Variants in OR4D1 observed in about 807,000 individuals in gnomAD.
OR4D1 encodes olfactory receptor family 4 subfamily D member 1.
Under a neutral mutation model 14.2 loss-of-function variants are expected in OR4D1, and 10 were observed. The ratio of observed to expected loss-of-function variants is 0.71; its 90% CI spans 0.44 to 1.20. The LOEUF (loss-of-function observed/expected upper bound fraction) is 1.20. Ranked by LOEUF, OR4D1 falls within the 50% of genes most tolerant of loss-of-function variation. OR4D1 has a pLI of 0.00. For synonymous variants in OR4D1, 141 were observed against 147.4 expected (o/e 0.96, Z 0.32); for missense variants, 345 against 376.6 (o/e 0.92, Z 0.70).
chr17:58,159,499 C>A lies in OR4D1; in HGVS notation c.*3413C>A. 1 of 119,904 alleles carries A rather than the reference C, an allele frequency of 8.3e-6. No individual in the cohort carries two copies. The highest frequency in any genetic ancestry group is 2.3e-4 in the South Asian group (1 of 4,348). 7.4% of individuals were successfully genotyped at this position (119,904 alleles called of 1,614,324 possible). ...CATCTTGGAAGCAGAGAATAGCCCT[C>A]ACCAGACAACCAAACCTGTTGGAAC... is the stretch of plus-strand genomic sequence containing the variant. On this transcript the variant is annotated 3_prime_UTR_variant, in exon 4 of 4. Coordinates refer to ENST00000268912, the MANE Select transcript of OR4D1 (RefSeq NM_001386095.1).
At position 58,156,074 on chromosome 17, in the gene OR4D1, T is replaced by A. The variant is rs1332712612; in HGVS notation, c.921T>A (p.Ile307=). The A allele has an allele frequency of 1.1e-5, 17 of 1,597,628 alleles. No homozygotes were observed. Among genetic ancestry groups the A allele is most frequent in the Non-Finnish European group, 1.5e-5 (17 of 1,172,386 alleles). Residue 307 remains isoleucine (I), a synonymous_variant, in exon 4 of 4, where the codon ATT becomes ATA. Coordinates refer to ENST00000268912, the MANE Select transcript of OR4D1 (RefSeq NM_001386095.1). ...AMRRLGKCLV[I]CRE ...GGAGATTAGGCAAGTGCCTAGTAAT[T>A]TGCAGGGAGTAAACTTTAAGTAAGT...
Position 58,157,525 on chromosome 17 carries a change from C to G in OR4D1, c.*1439C>G, listed in dbSNP as rs894353429. ...TCTCCATTGCAGAGGGTGCGGACTT[C>G]TCCAGCTCTCCGAACCTCACGGAGA... On this transcript the variant is annotated 3_prime_UTR_variant, in exon 4 of 4. Coordinates refer to ENST00000268912, the MANE Select transcript of OR4D1 (RefSeq NM_001386095.1). 8 of 1,371,710 alleles carry G rather than the reference C, an allele frequency of 5.8e-6. No homozygotes were observed. In the African/African-American group the frequency reaches 9.9e-5, roughly 17 times the overall value. The allele number at this position is 1,371,710 out of a possible 1,614,324, so 85.0% of individuals were successfully genotyped here. A position where few individuals can be genotyped will look rare whatever the true frequency, so the allele number is the denominator to read the frequency against.
At position 58,155,269 on chromosome 17, in the gene OR4D1, T is replaced by A. The variant is rs775193532; in HGVS notation, c.116T>A (p.Ile39Asn). Reference sequence around the variant, plus strand: ...TTCCTGTTAGTCTATGTTACCACCATTGTGGGAAACCTCCTTATCATGGTC... The same window carrying A: ...TTCCTGTTAGTCTATGTTACCACCAATGTGGGAAACCTCCTTATCATGGTC... ...LLFLLVYVTT[I>N]VGNLLIMVTV... The change falls in exon 4 of 4, where the codon ATT (isoleucine) becomes AAT (asparagine). Residue 39 changes from isoleucine to asparagine, a missense_variant. Ile to Asn is a moderately radical substitution (Grantham distance 149). Transcript: ENST00000268912. The A allele has an allele frequency of 6.2e-7, 1 of 1,614,194 alleles. No individual in the cohort carries two copies. The highest frequency in any genetic ancestry group is 2.2e-5 in the East Asian group (1 of 44,890).
At position 58,155,233 on chromosome 17, in the gene OR4D1, T is replaced by G. The variant is rs1400732247; in HGVS notation, c.80T>G (p.Leu27Arg). ...CAGACCCAAGAGCTCCAGAAATTCC[T>G]GTTCCTTCTGTTCCTGTTAGTCTAT... Reference protein sequence around the residue: ...FSQTQELQKFLFLLFLLVYVT... With the variant: ...FSQTQELQKFRFLLFLLVYVT... The change falls in exon 4 of 4, where the codon CTG becomes CGG. Residue 27 changes from leucine (L) to arginine (R), a missense_variant. Physicochemically the swap from Leu to Arg is moderately radical, Grantham distance 102. Coordinates refer to ENST00000268912, the MANE Select transcript of OR4D1 (RefSeq NM_001386095.1). The G allele has an allele frequency of 6.2e-7, 1 of 1,614,086 alleles. No homozygotes were observed. The highest frequency in any genetic ancestry group is 1.3e-5 in the African/African-American group (1 of 74,938).
chr17:58,156,929 C>T lies in OR4D1; in HGVS notation c.*843C>T. ...TGTGGAATTTAGAAAGTTATCTCGC[C>T]CTCCCTCCTCCCCCACAAAAAAAGT... On this transcript the variant is annotated 3_prime_UTR_variant, in exon 4 of 4. Transcript: ENST00000268912. 3.2e-6 allele frequency: 2 copies of T among 630,352 alleles called. No individual in the cohort carries two copies. Among genetic ancestry groups the T allele is most frequent in the South Asian group, 1.7e-5 (1 of 59,222 alleles). 39.0% of individuals were successfully genotyped at this position (630,352 alleles called of 1,614,324 possible).
At position 58,155,363 on chromosome 17, in the gene OR4D1, C is replaced by T; in HGVS notation, c.210C>T (p.Asp70=). The T allele has an allele frequency of 6.2e-7, 1 of 1,614,140 alleles. No homozygotes were observed. ...YFLLRNLALI[D]LCYSTVTSPK... Reference sequence around the variant, plus strand: ...TGCTCCGAAATCTAGCTCTCATAGACCTCTGCTATTCCACAGTCACCTCTC... The same window carrying T: ...TGCTCCGAAATCTAGCTCTCATAGATCTCTGCTATTCCACAGTCACCTCTC... The change falls in exon 4 of 4, where the codon GAC becomes GAT. Residue 70 remains aspartate (D), a synonymous_variant. Coordinates refer to ENST00000268912, the MANE Select transcript of OR4D1 (RefSeq NM_001386095.1).
At position 58,155,410 on chromosome 17, in the gene OR4D1, T is replaced by C; in HGVS notation, c.257T>C (p.Leu86Pro). The C allele has an allele frequency of 3.7e-6, 6 of 1,614,190 alleles. No homozygotes were observed. The highest frequency in any genetic ancestry group is 5.1e-6 in the Non-Finnish European group (6 of 1,180,034). The change falls in exon 4 of 4, where the codon CTC becomes CCC. Residue 86 changes from leucine to proline, a missense_variant. Coordinates refer to ENST00000268912, the MANE Select transcript of OR4D1 (RefSeq NM_001386095.1). ...VTSPKMLVDF[L>P]HETKTISYQG... ...TCTCCAAAGATGCTGGTGGACTTCC[T>C]CCATGAGACCAAGACGATCTCCTAC...
chr17:58,149,096 G>A (rs1319894342), intron 1 of OR4D1, among the ~76,000 whole-genome samples: 1 of 152,154 alleles, frequency 6.6e-6, no homozygotes, highest in African/African-American at 2.4e-5. Context: ...AGTCCTGTGT[G>A]GGCTGATTTT....
At position 58,157,708 on chromosome 17, in the gene OR4D1, C is replaced by T. The variant is rs934256133; in HGVS notation, c.*1622C>T. On this transcript the variant is annotated 3_prime_UTR_variant, in exon 4 of 4. Transcript: ENST00000268912. Reference sequence around the variant, plus strand: ...CGCCCCTGCAGGCAGCGTCCATATACGCAGCATCCTACCCGTTCCATAGAC... The same window carrying T: ...CGCCCCTGCAGGCAGCGTCCATATATGCAGCATCCTACCCGTTCCATAGAC... The T allele has an allele frequency of 6.2e-6, 10 of 1,613,636 alleles. No homozygotes were observed. The highest frequency in any genetic ancestry group is 1.3e-5 in the African/African-American group (1 of 74,924).
chr17:58,155,960 G>A lies in OR4D1; in HGVS notation c.807G>A (p.Lys269=). 6.2e-7 allele frequency: 1 copy of A among 1,613,564 alleles called. No homozygotes were observed. Among genetic ancestry groups the A allele is most frequent in the South Asian group, 1.1e-5 (1 of 91,068 alleles). The change falls in exon 4 of 4, where the codon AAG becomes AAA. Residue 269 remains lysine (K), a synonymous_variant. Coordinates refer to ENST00000268912, the MANE Select transcript of OR4D1 (RefSeq NM_001386095.1). The part of the protein sequence containing the change: ...TWPFTPFLMD[K]AVSISYTVMT... The stretch of plus-strand genomic sequence containing the variant: ...CCTTCACCCCATTCCTCATGGACAA[G>A]GCTGTGTCCATCAGCTACACAGTCA...
At position 58,157,829 on chromosome 17, in the gene OR4D1, T is replaced by G; in HGVS notation, c.*1743T>G. 1.3e-6 allele frequency: 2 copies of G among 1,588,478 alleles called. No individual in the cohort carries two copies. The highest frequency in any genetic ancestry group is 1.7e-6 in the Non-Finnish European group (2 of 1,167,106). On this transcript the variant is annotated 3_prime_UTR_variant, in exon 4 of 4. Transcript: ENST00000268912. ...AGGAAGACCAGATCAATAGACTCCA[T>G]GATGGATGTTTGTTTCAAAGGGTTT...
In OR4D1 at chr17:58,155,544, C is replaced by T. The variant is rs1285303569; in HGVS notation, c.391C>T (p.Arg131Trp). ...DRYIAISQPL[R>W]YVTIMNTQLC... ...CTACATAGCCATCTCCCAGCCCCTC[C>T]GGTATGTCACCATCATGAACACTCA... is the stretch of plus-strand genomic sequence containing the variant. Residue 131 changes from arginine (R) to tryptophan (W), a missense_variant, in exon 4 of 4, where the codon CGG becomes TGG. Physicochemically the swap from Arg to Trp is moderately radical, Grantham distance 101. Coordinates refer to ENST00000268912, the MANE Select transcript of OR4D1 (RefSeq NM_001386095.1). 11 of 1,614,064 alleles carry T rather than the reference C, an allele frequency of 6.8e-6. No homozygotes were observed. The highest frequency in any genetic ancestry group is 3.3e-5 in the Admixed American group (2 of 60,008).
At position 58,155,620 on chromosome 17, in the gene OR4D1, C is replaced by T. The variant is rs1180788220; in HGVS notation, c.467C>T (p.Ser156Phe). The T allele has an allele frequency of 4.3e-6, 7 of 1,614,044 alleles. No individual in the cohort carries two copies. Among genetic ancestry groups the T allele is most frequent in the Non-Finnish European group, 5.9e-6 (7 of 1,180,030 alleles). Residue 156 changes from serine (S) to phenylalanine (F), a missense_variant, in exon 4 of 4, where the codon TCC becomes TTC. Coordinates refer to ENST00000268912, the MANE Select transcript of OR4D1 (RefSeq NM_001386095.1). ...VAAWVGGFVHSIVQLALILPL... is the reference protein window; with the variant it reads ...VAAWVGGFVHFIVQLALILPL... ...GCCTGGGTGGGGGGCTTTGTCCACT[C>T]CATTGTCCAACTGGCTCTGATACTT...
intron 3 of OR4D1, among the ~76,000 whole-genome samples, chr17:58,154,861 G>T (rs1967743776): frequency 6.6e-6 from 1 of 152,184 alleles, no homozygotes; most frequent in South Asian, 2.1e-4. Context: ...GTATGAAAAA[G>T]AATCAGACAT....
At position 58,156,008 on chromosome 17, in the gene OR4D1, G is replaced by C. The variant is rs747888867; in HGVS notation, c.855G>C (p.Met285Ile). ...YTVMTPMLNP[M>I]IYTLRNQDMK... ...TCATGACCCCCATGCTCAACCCCATGATCTACACCCTGAGAAACCAGGACA... is the reference window on the plus strand; with the variant it reads ...TCATGACCCCCATGCTCAACCCCATCATCTACACCCTGAGAAACCAGGACA... Residue 285 changes from methionine to isoleucine, a missense_variant, in exon 4 of 4, where the codon ATG becomes ATC. Transcript: ENST00000268912. 30 of 1,613,968 alleles carry C rather than the reference G, an allele frequency of 1.9e-5. No individual in the cohort carries two copies. Among genetic ancestry groups the C allele is most frequent in the African/African-American group, 2.7e-5 (2 of 74,896 alleles).
At position 58,157,483 on chromosome 17, in the gene OR4D1, G is replaced by T; in HGVS notation, c.*1397G>T. On this transcript the variant is annotated 3_prime_UTR_variant, in exon 4 of 4. Transcript: ENST00000268912. ...AGCTCCTCGCTCTGGAGGGCAAGTT[G>T]CTCCAGAAACAGTACCTCTCCATTG... 1 of 1,140,206 alleles carries T rather than the reference G, an allele frequency of 8.8e-7. No individual in the cohort carries two copies. The highest frequency in any genetic ancestry group is 1.3e-6 in the Non-Finnish European group (1 of 752,446). 70.6% of individuals were successfully genotyped at this position (1,140,206 alleles called of 1,614,324 possible).
chr17:58,157,613 C>T lies in OR4D1; in HGVS notation c.*1527C>T. On this transcript the variant is annotated 3_prime_UTR_variant, in exon 4 of 4. Coordinates refer to ENST00000268912, the MANE Select transcript of OR4D1 (RefSeq NM_001386095.1). ...GACGAAAAGACTGCAGGAGTCAGAA[C>T]TGGAAAAGCTGAAAATGGCTGCAAA... 1.2e-6 allele frequency: 2 copies of T among 1,613,766 alleles called. No individual in the cohort carries two copies. The highest frequency in any genetic ancestry group is 8.5e-7 in the Non-Finnish European group (1 of 1,179,776).
chr17:58,157,433 C>A lies in OR4D1; in HGVS notation c.*1347C>A. 1.8e-6 allele frequency: 2 copies of A among 1,114,058 alleles called. No individual in the cohort carries two copies. Among genetic ancestry groups the A allele is most frequent in the South Asian group, 1.3e-5 (1 of 75,842 alleles). The allele number at this position is 1,114,058 out of a possible 1,614,324, so 69.0% of individuals were successfully genotyped here. A position where few individuals can be genotyped will look rare whatever the true frequency, so the allele number is the denominator to read the frequency against. Reference sequence around the variant, plus strand: ...GAGAAAACACAAGACCAATCCGAAGCCGCGCACAGCCTTTACCACGTCCCA... The same window carrying A: ...GAGAAAACACAAGACCAATCCGAAGACGCGCACAGCCTTTACCACGTCCCA... On this transcript the variant is annotated 3_prime_UTR_variant, in exon 4 of 4. Coordinates refer to ENST00000268912, the MANE Select transcript of OR4D1 (RefSeq NM_001386095.1).
chr17:58,159,386 A>G lies in OR4D1; in HGVS notation c.*3300A>G, dbSNP rs1197270971. 2 of 152,238 alleles carry G rather than the reference A, an allele frequency of 1.3e-5. No individual in the cohort carries two copies. The highest frequency in any genetic ancestry group is 2.9e-5 in the Non-Finnish European group (2 of 68,054). The allele number at this position is 152,238 out of a possible 1,614,324, so 9.4% of individuals were successfully genotyped here. ...TTAAGGCCTTTATAAAAGAGACTTCATGCAGCATTAGGCTCGCTAGCCCTT... is the reference window on the plus strand; with the variant it reads ...TTAAGGCCTTTATAAAAGAGACTTCGTGCAGCATTAGGCTCGCTAGCCCTT... On this transcript the variant is annotated 3_prime_UTR_variant, in exon 4 of 4. Transcript: ENST00000268912.
Sources: allele counts gnomAD v4.1 joint callset (sites outside exome capture counted in the v4.1 genomes callset), GRCh38; gene constraint gnomAD v4.1.1; transcripts MANE v1.5; gene names NCBI Gene and HGNC (gene_info 2026-07-23, HGNC 2026-07-21).